The following MAPK9 variants were observed in gnomAD, a reference collection of about 807,000 sequenced individuals.
The protein encoded by MAPK9 is Jun kinase.
A neutral mutation model predicts 57.1 loss-of-function variants in MAPK9; 30 were observed. The ratio of observed to expected loss-of-function variants is 0.53; its 90% CI spans 0.39 to 0.71. The LOEUF is 0.71. Among genes scored for constraint, MAPK9 ranks in the 30% least tolerant of loss-of-function variants. The pLI is 0.00. For missense variants in MAPK9, 362 were observed against 521.0 expected (o/e 0.69, Z 2.97); for synonymous variants, 155 against 177.0 (o/e 0.88, Z 0.99).
chr5:180,268,126 C>T (rs553206122), intron 3 of MAPK9, among the ~76,000 whole-genome samples: 4 of 152,210 alleles, frequency 2.6e-5, no homozygotes, highest in South Asian at 2.1e-4. Flanking sequence ...ACCCGGCCAA[C>T]ATTTTGTAAT....
At position 180,242,654 on chromosome 5, in the gene MAPK9, G is replaced by A. The variant is rs747393469; in HGVS notation, c.790C>T (p.Pro264Ser). The A allele has an allele frequency of 6.8e-6, 11 of 1,614,000 alleles. No individual in the cohort carries two copies. The highest frequency in any genetic ancestry group is 6.7e-5 in the East Asian group (3 of 44,884). ...TCAAATTTGATTCCAGGATACTTTG[G>A]TCTGTTTTCGACATAATTCCTCACA... is the stretch of plus-strand genomic sequence containing the variant. ...PTVRNYVENRPKYPGIKFEEL... is the reference protein window; with the variant it reads ...PTVRNYVENRSKYPGIKFEEL... Residue 264 changes from proline (P) to serine (S), a missense_variant, in exon 8 of 12, where the codon CCA (proline) becomes TCA (serine). Pro to Ser is a moderately conservative substitution (Grantham distance 74). Around this residue, in one of 3 missense-constraint regions of MAPK9, gnomAD observed 199 missense variants for 251.3 expected, o/e 0.79. Transcript: ENST00000452135.
At position 180,278,210 on chromosome 5, in the gene MAPK9, T is replaced by C. The variant is rs1034962809; in HGVS notation, c.122+2230A>G. On this transcript the variant is annotated intron_variant, in intron 2 of 11. Transcript: ENST00000452135. ...TAAGGTCCCAAAGGCCCACAGCTTG[T>C]TTTGGTCCCAGGCCTACCACTAACA... Among the ~76,000 whole-genome samples, 4 of 152,182 alleles carry C rather than the reference T, an allele frequency of 2.6e-5. No homozygotes were observed. The East Asian group carries it at 7.7e-4, about 29-fold the overall frequency.
intron 5 of MAPK9, among the ~76,000 whole-genome samples, chr5:180,255,408 T>C (rs1362282374): frequency 2.0e-5 from 3 of 151,772 alleles, no homozygotes; most frequent in Admixed American, 1.3e-4. Context: ...TGGCAGCCAG[T>C]GCAAAGGGGA....
At chr5:180,289,265 AT>A (rs1763032487) in intron 1 of MAPK9, among the ~76,000 whole-genome samples, 1 of 152,206 alleles carries the variant, frequency 6.6e-6, no homozygotes, top group African/African-American at 2.4e-5. Context: ...TCTGTTGTTT[AT>A]TTACGGGACC....
chr5:180,270,516 G>A lies in MAPK9; in HGVS notation c.123-1107C>T, dbSNP rs36004234. Among the ~76,000 whole-genome samples the A allele has an allele frequency of 6.9e-3, 1,050 of 152,242 alleles. 19 individuals are homozygous for A. The highest frequency in any genetic ancestry group is 0.024 in the African/African-American group (992 of 41,546). The stretch of plus-strand genomic sequence containing the variant: ...GAAACAAGTCATTGACATACATGTA[G>A]CCATGTATGTATTTATACCTATATA... On this transcript the variant is annotated intron_variant, in intron 2 of 11. Transcript: ENST00000452135.
chr5:180,236,999 A>T (rs34293630), intron 11 of MAPK9: 10,974 of 152,430 alleles, frequency 0.072, 493 homozygotes, highest in Admixed American at 0.11. Context: ...TTTTGCAATA[A>T]ATAAAGACTA....
intron 2 of MAPK9, among the ~76,000 whole-genome samples, chr5:180,278,568 C>T (rs1170720277): frequency 6.6e-6 from 1 of 152,046 alleles, no homozygotes; most frequent in African/African-American, 2.4e-5. Flanking sequence ...GGTGTGGTGG[C>T]GTGCGCCTGT....
intron 5 of MAPK9, among the ~76,000 whole-genome samples, chr5:180,251,518 C>A (rs901133438): frequency 1.3e-5 from 2 of 152,212 alleles, no homozygotes; most frequent in Admixed American, 1.3e-4. Context: ...AAGTCCCAAG[C>A]TTGTGTGGGT....
chr5:180,247,611 A>AC lies in MAPK9; in HGVS notation c.617-102_617-101insG. 1 of 1,108,432 alleles carries AC rather than the reference A, an allele frequency of 9.0e-7. No individual in the cohort carries two copies. The highest frequency in any genetic ancestry group is 1.6e-5 in the African/African-American group (1 of 64,454). The allele number at this position is 1,108,432 out of a possible 1,614,324, so 68.7% of individuals were successfully genotyped here. On this transcript the variant is annotated intron_variant, in intron 6 of 11. Coordinates refer to ENST00000452135, the MANE Select transcript of MAPK9 (RefSeq NM_002752.5). The surrounding 1 kb of genome is among the most constrained non-coding windows in gnomAD (Gnocchi z 4.5). ...TGCACTAAACACACAAATATGGAAA[A>AC]ATAAATTGCTAGCTAAGGGTGACAT...
intron 4 of MAPK9, among the ~76,000 whole-genome samples, chr5:180,263,907 G>A (rs368555596): frequency 1.3e-5 from 2 of 151,976 alleles, no homozygotes; most frequent in South Asian, 4.2e-4. Context: ...GGGTTTCACC[G>A]TGTTAGCCAG....
chr5:180,260,270 T>C (rs571031657), intron 5 of MAPK9, among the ~76,000 whole-genome samples: 1 of 152,368 alleles, frequency 6.6e-6, no homozygotes, highest in African/African-American at 2.4e-5. Flanking sequence ...ACATGATGTA[T>C]GCAAACTGGA....
In MAPK9 at chr5:180,244,231, T is replaced by C. The variant is rs145137067; in HGVS notation, c.689-1476A>G. On this transcript the variant is annotated intron_variant, in intron 7 of 11. Transcript: ENST00000452135. ...CACCCACCCAGCATCTGTGTGCCAT[T>C]TGCCACACAGCAACCATCTGGGCTC... Among the ~76,000 whole-genome samples, 8 of 152,188 alleles carry C rather than the reference T, an allele frequency of 5.3e-5. No individual in the cohort carries two copies. The East Asian group carries it at 1.5e-3, about 29-fold the overall frequency.
At chr5:180,270,868 A>AGAAAAG (rs1554126682) in intron 2 of MAPK9, among the ~76,000 whole-genome samples, 1 of 137,568 alleles carries the variant, frequency 7.3e-6, no homozygotes, top group Non-Finnish European at 1.5e-5. Context: ...CAAAAAAAAA[A>AGAAAAG]AAAAAGAAAA....
intron 4 of MAPK9, 87 bp downstream of exon 4, chr5:180,264,694 T>C: frequency 7.8e-7 from 1 of 1,277,578 alleles, no homozygotes. Flanking sequence ...GCCACCTACA[T>C]TTCCTAAGTA....
intron 10 of MAPK9, 122 bp from the exon 11 acceptor site, chr5:180,238,525 G>A (rs1757370135): frequency 1.5e-6 from 1 of 674,516 alleles, no homozygotes; most frequent in Non-Finnish European, 2.5e-6. Flanking sequence ...TTAATTGTAA[G>A]ACAGAGTCAA....
chr5:180,241,304 A>ATTTTTT, intron 8 of MAPK9, 149 bp from the exon 9 acceptor site: 1 of 523,878 alleles, frequency 1.9e-6, no homozygotes. Context: ...ATAACCCAAA[A>ATTTTTT]TTTTTTTTTT....
intron 10 of MAPK9, among the ~76,000 whole-genome samples, chr5:180,239,035 C>T (rs1446512049): frequency 1.3e-5 from 2 of 152,228 alleles, no homozygotes; most frequent in Non-Finnish European, 2.9e-5. Context: ...GATATTCTCA[C>T]ACCCATTTGA....
At chr5:180,276,723 G>A (rs1427258247) in intron 2 of MAPK9, among the ~76,000 whole-genome samples, 4 of 152,068 alleles carry the variant, frequency 2.6e-5, no homozygotes, top group East Asian at 1.9e-4. Flanking sequence ...GCGTGGTGGC[G>A]CACACCTGTA....
At chr5:180,250,469 T>C (rs542339207) in intron 5 of MAPK9, among the ~76,000 whole-genome samples, 5 of 152,314 alleles carry the variant, frequency 3.3e-5, no homozygotes, top group South Asian at 2.1e-4. Context: ...GCCACTGACA[T>C]GGCGTAAGGC....
Sources: gnomAD v4.1 joint callset for allele counts (sites outside exome capture counted in the v4.1 genomes callset) on GRCh38, gnomAD v4.1.1 for gene constraint, gnomAD v4.1.1 regional missense constraint, Gnocchi (gnomAD v3.1) non-coding constraint, MANE v1.5 for transcripts, NCBI Gene and HGNC (gene_info 2026-07-23, HGNC 2026-07-21) for gene names.